TMEM150C: variants seen among roughly 807,000 people sequenced by gnomAD.
TMEM150C encodes the protein tentonin 3.
A neutral mutation model predicts 29.9 loss-of-function variants in TMEM150C; 10 were observed. That is an observed-to-expected ratio of 0.33 (90% confidence interval 0.21 to 0.57). The LOEUF (loss-of-function observed/expected upper bound fraction) is 0.57, where lower values mean the gene tolerates loss of function less well. Among genes scored for constraint, TMEM150C ranks in the 20% least tolerant of loss-of-function variants. The pLI is 0.88. For missense variants in TMEM150C, 251 were observed against 303.6 expected, an observed-to-expected ratio of 0.83 and a Z score of 1.29; for synonymous variants, 101 against 112.5, an observed-to-expected ratio of 0.90 and a Z score of 0.64.
intron 6 of TMEM150C, among the ~76,000 whole-genome samples, chr4:82,492,864 G>GTATA (rs58169287): frequency 0.084 from 7,527 of 89,934 alleles, 398 homozygotes; most frequent in Middle Eastern, 0.12. Flanking sequence ...ATATGTTTGT[G>GTATA]TATATATATA....
In TMEM150C at chr4:82,485,403, T is replaced by A. The variant is rs1723126159; in HGVS notation, c.*108A>T. 3 of 823,134 alleles carry A rather than the reference T, an allele frequency of 3.6e-6. No homozygotes were observed. The Admixed American group carries it at 7.1e-5, about 19-fold the overall frequency. 51.0% of individuals were successfully genotyped at this position (823,134 alleles called of 1,614,324 possible). ...TGGCAAATGTGGCCATGAATGTGTG[T>A]GTGTGTGTGTGTGTGAAATGAGGTT... is the stretch of plus-strand genomic sequence containing the variant. On this transcript the variant is annotated 3_prime_UTR_variant, in exon 8 of 8. Transcript: ENST00000449862.
At chr4:82,504,511 A>G (rs540810953) in intron 2 of TMEM150C, 67 bp downstream of exon 2, 19 of 1,393,482 alleles carry the variant, frequency 1.4e-5, no homozygotes, top group Admixed American at 1.9e-5. Flanking sequence ...GCCATATACT[A>G]TTAAGGTTTA....
chr4:82,527,019 C>CTTTTTT (rs893109064), intron 1 of TMEM150C, among the ~76,000 whole-genome samples: 9 of 74,712 alleles, frequency 1.2e-4, no homozygotes, highest in South Asian at 6.0e-4. Context: ...CATACTGGGT[C>CTTTTTT]TTTTTTTTTT....
At chr4:82,531,557 C>A (rs910195864) in intron 1 of TMEM150C, among the ~76,000 whole-genome samples, 1 of 152,048 alleles carries the variant, frequency 6.6e-6, no homozygotes, top group African/African-American at 2.4e-5. Context: ...GAGTTCAAGA[C>A]CAGCCTGGCC....
chr4:82,485,325 A>G lies in TMEM150C; in HGVS notation c.*186T>C, dbSNP rs1161664327. 1.5e-5 allele frequency: 9 copies of G among 595,550 alleles called. No individual in the cohort carries two copies. The highest frequency in any genetic ancestry group is 9.3e-5 in the African/African-American group (5 of 53,724). The allele number at this position is 595,550 out of a possible 1,614,324, so 36.9% of individuals were successfully genotyped here. On this transcript the variant is annotated 3_prime_UTR_variant, in exon 8 of 8. Coordinates refer to ENST00000449862, the MANE Select transcript of TMEM150C (RefSeq NM_001080506.3). The stretch of plus-strand genomic sequence containing the variant: ...AGTGTAACAGCGTGTATTTCGACAC[A>G]TAAGGGCTTGTGCTTTTTCATTAAA...
intron 1 of TMEM150C, among the ~76,000 whole-genome samples, chr4:82,510,445 G>C (rs779284850): frequency 4.6e-5 from 7 of 152,144 alleles, no homozygotes; most frequent in Admixed American, 6.5e-5. Context: ...ATAGTTCACA[G>C]ACTCTGGAGC....
chr4:82,550,327 G>A (rs1195181037), intron 1 of TMEM150C, among the ~76,000 whole-genome samples: 1 of 152,090 alleles, frequency 6.6e-6, no homozygotes, highest in Non-Finnish European at 1.5e-5. Flanking sequence ...TTTTAAGTTT[G>A]CTGAGGCCTC....
intron 1 of TMEM150C, among the ~76,000 whole-genome samples, chr4:82,546,897 A>G (rs1295994114): frequency 2.0e-5 from 3 of 152,132 alleles, no homozygotes; most frequent in Non-Finnish European, 2.9e-5. Context: ...AAATTAACTC[A>G]AGATGGATTA....
In TMEM150C at chr4:82,559,386, A is replaced by G. The variant is rs1019713256; in HGVS notation, c.-11+2520T>C. On this transcript the variant is annotated intron_variant, in intron 1 of 7. Coordinates refer to ENST00000449862, the MANE Select transcript of TMEM150C (RefSeq NM_001080506.3). ...ATGGTAAAACCCCGTCTCTACTAAA[A>G]ATACAAAAAAAAAAAAAAATTAGCC... 2.0e-5 allele frequency among the ~76,000 whole-genome samples: 3 copies of G among 147,366 alleles called. No individual in the cohort carries two copies. The East Asian group carries it at 5.8e-4, about 29-fold the overall frequency.
At chr4:82,514,803 C>A (rs1440846453) in intron 1 of TMEM150C, among the ~76,000 whole-genome samples, 3 of 152,060 alleles carry the variant, frequency 2.0e-5, no homozygotes, top group African/African-American at 4.8e-5. Context: ...ACACGATGAC[C>A]GGAAGACAGG....
intron 1 of TMEM150C, among the ~76,000 whole-genome samples, chr4:82,542,307 A>G (rs933903337): frequency 6.6e-6 from 1 of 152,258 alleles, no homozygotes; most frequent in African/African-American, 2.4e-5. Flanking sequence ...TGAAAACAGA[A>G]GAAGACAGGA....
chr4:82,512,289 C>T (rs1387755861), intron 1 of TMEM150C, among the ~76,000 whole-genome samples: 1 of 152,190 alleles, frequency 6.6e-6, no homozygotes, highest in African/African-American at 2.4e-5. Flanking sequence ...AGTCAACATA[C>T]TGAGAATGGC....
chr4:82,492,447 A>AG (rs1723386679), intron 6 of TMEM150C, among the ~76,000 whole-genome samples: 1 of 144,320 alleles, frequency 6.9e-6, no homozygotes, highest in African/African-American at 2.8e-5. Context: ...TGTTAATGAG[A>AG]ATTTTTTTAG....
At chr4:82,510,295 A>AC (rs1724083570) in intron 1 of TMEM150C, among the ~76,000 whole-genome samples, 1 of 152,170 alleles carries the variant, frequency 6.6e-6, no homozygotes, top group Non-Finnish European at 1.5e-5. Context: ...AAAAACAAAA[A>AC]AAAAACTTGA....
chr4:82,560,506 C>T (rs180896592), intron 1 of TMEM150C, among the ~76,000 whole-genome samples: 1 of 152,214 alleles, frequency 6.6e-6, no homozygotes, highest in Non-Finnish European at 1.5e-5. Flanking sequence ...ACATTTCTAG[C>T]TCATTAATAG....
At chr4:82,487,151 C>T (rs1196248969) in intron 7 of TMEM150C, among the ~76,000 whole-genome samples, 2 of 152,004 alleles carry the variant, frequency 1.3e-5, no homozygotes, top group Non-Finnish European at 2.9e-5. Flanking sequence ...TTGGTGAAAG[C>T]TCAAAACTTG....
intron 5 of TMEM150C, among the ~76,000 whole-genome samples, chr4:82,499,616 G>A (rs188327884): frequency 0.02 from 3,007 of 151,480 alleles, 107 homozygotes; most frequent in African/African-American, 0.07. Flanking sequence ...CCAGCTGCTC[G>A]GGAGGCTGAG....
intron 1 of TMEM150C, among the ~76,000 whole-genome samples, chr4:82,522,604 G>GA (rs1292767992): frequency 6.6e-6 from 1 of 152,206 alleles, no homozygotes; most frequent in Non-Finnish European, 1.5e-5. Flanking sequence ...AGATGTTACA[G>GA]AAAAAACTAT....
chr4:82,507,234 G>C (rs1723955724), intron 1 of TMEM150C, among the ~76,000 whole-genome samples: 1 of 152,198 alleles, frequency 6.6e-6, no homozygotes, highest in South Asian at 2.1e-4. Context: ...TGTTACAACA[G>C]ATTGATGAAT....
Sources: gnomAD v4.1 joint callset for allele counts (sites outside exome capture counted in the v4.1 genomes callset) on GRCh38, gnomAD v4.1.1 for gene constraint, MANE v1.5 for transcripts, NCBI Gene and HGNC (gene_info 2026-07-23, HGNC 2026-07-21) for gene names.